DST: variants seen among roughly 807,000 people sequenced by gnomAD.
The protein encoded by DST is bullous pemphigoid antigen.
Under a neutral mutation model 875.2 loss-of-function variants are expected in DST, and 253 were observed. That is an observed-to-expected ratio of 0.29 (90% CI 0.26 to 0.32). DST has a LOEUF of 0.32. DST is among the 10% of genes least tolerant of loss of function. The pLI, the probability that DST is intolerant of heterozygous loss-of-function variation, is 1.00. For synonymous variants in DST, 3,124 were observed against 3,197.1 expected, an observed-to-expected ratio of 0.98 and a Z score of 0.77; for missense variants, 8,287 against 9,111.6, an observed-to-expected ratio of 0.91 and a Z score of 3.68.
chr6:56,589,612 T>C (rs528235655), intron 49 of DST, among the ~76,000 whole-genome samples: 7 of 152,336 alleles, frequency 4.6e-5, no homozygotes, highest in African/African-American at 1.7e-4. Flanking sequence ...AAGGCTGACA[T>C]TGTCAGTCAA....
intron 69 of DST, among the ~76,000 whole-genome samples, chr6:56,518,290 A>G (rs1177931129): frequency 6.6e-6 from 1 of 152,190 alleles, no homozygotes; most frequent in Non-Finnish European, 1.5e-5. Context: ...TTCATAAAGC[A>G]GAGAAAAACA....
At chr6:56,662,112 T>C (rs931042501) in intron 10 of DST, among the ~76,000 whole-genome samples, 3 of 151,310 alleles carry the variant, frequency 2.0e-5, no homozygotes, top group African/African-American at 7.3e-5. Context: ...AAAAAAAGAG[T>C]GGGGCTTAGA....
chr6:56,700,959 C>T (rs943433598), intron 8 of DST, among the ~76,000 whole-genome samples: 4 of 149,216 alleles, frequency 2.7e-5, no homozygotes, highest in Non-Finnish European at 3.0e-5. Context: ...TTTACCTCTC[C>T]CTCTCCCCCT....
chr6:56,546,524 C>T (rs1584625564), intron 61 of DST, among the ~76,000 whole-genome samples: 1 of 148,220 alleles, frequency 6.7e-6, no homozygotes, highest in South Asian at 2.1e-4. Flanking sequence ...TATTAAAATA[C>T]TGACAAAAGA....
chr6:56,721,309 G>A (rs532959755), intron 5 of DST, among the ~76,000 whole-genome samples: 1 of 152,216 alleles, frequency 6.6e-6, no homozygotes, highest in Non-Finnish European at 1.5e-5. Context: ...TGCAGTTAAC[G>A]CAATTATCAC....
chr6:56,515,568 A>T lies in DST; in HGVS notation c.18458T>A (p.Phe6153Tyr). Reference sequence around the variant, plus strand: ...CCAAAGTTCTTCATATGTTTCCCAGAATTGGTTAACCAGGGACTGTGCCCG... The same window carrying T: ...CCAAAGTTCTTCATATGTTTCCCAGTATTGGTTAACCAGGGACTGTGCCCG... ...LERAQSLVNQ[F>Y]WETYEELWPW... Residue 6153 changes from phenylalanine (F) to tyrosine (Y), a missense_variant, in exon 72 of 104, where the codon TTC (phenylalanine) becomes TAC (tyrosine). By Grantham distance (22) the Phe-to-Tyr change is conservative (BLOSUM62 3). Around this residue, in one of 10 missense-constraint regions of DST, gnomAD observed 1,292 missense variants for 1,552.7 expected, o/e 0.83. Transcript: ENST00000680361. 6.2e-7 allele frequency: 1 copy of T among 1,613,898 alleles called. No homozygotes were observed. The highest frequency in any genetic ancestry group is 8.5e-7 in the Non-Finnish European group (1 of 1,179,834).
rs1313087272 is a variant in DST, at chr6:56,592,255, G to A, written c.12830C>T (p.Thr4277Ile). ...AGGTTCAGATAAGTGTTTGCTCGCTGTGGCCTCACAGGCCTGGAGTCCAGC... is the reference window on the plus strand; with the variant it reads ...AGGTTCAGATAAGTGTTTGCTCGCTATGGCCTCACAGGCCTGGAGTCCAGC... ...LLAGLQACEA[T>I]ASKHLSEPIA... The change falls in exon 49 of 104, where the codon ACA (threonine) becomes ATA (isoleucine). Residue 4277 changes from threonine to isoleucine, a missense_variant. Transcript: ENST00000680361. 1.9e-6 allele frequency: 3 copies of A among 1,613,088 alleles called. No homozygotes were observed. The South Asian group carries it at 3.3e-5, about 18-fold the overall frequency.
At chr6:56,712,054 G>A (rs2099366829) in intron 5 of DST, among the ~76,000 whole-genome samples, 3 of 139,570 alleles carry the variant, frequency 2.1e-5, no homozygotes, top group Non-Finnish European at 4.7e-5. Flanking sequence ...TCCCGCCACT[G>A]CACTCCAGCC....
At chr6:56,503,190 A>G (rs1245050268) in intron 78 of DST, among the ~76,000 whole-genome samples, 1 of 152,148 alleles carries the variant, frequency 6.6e-6, no homozygotes, top group Non-Finnish European at 1.5e-5. Flanking sequence ...ATAAAAAAAT[A>G]GAAAGAATGA....
At chr6:56,815,733 T>G (rs556765950) in intron 4 of DST, among the ~76,000 whole-genome samples, 1 of 152,310 alleles carries the variant, frequency 6.6e-6, no homozygotes, top group East Asian at 1.9e-4. Flanking sequence ...AAGTAGATTA[T>G]AAAATATTGT....
intron 86 of DST, among the ~76,000 whole-genome samples, chr6:56,487,711 G>A (rs1446692251): frequency 6.6e-6 from 1 of 152,074 alleles, no homozygotes; most frequent in African/African-American, 2.4e-5. Flanking sequence ...TGTCTTTGTA[G>A]GCCTCTCATT....
At chr6:56,711,561 T>C (rs1419863789) in intron 5 of DST, among the ~76,000 whole-genome samples, 2 of 152,306 alleles carry the variant, frequency 1.3e-5, no homozygotes, top group Middle Eastern at 3.4e-3. Context: ...GGGGTAATTA[T>C]AATGTAATGT....
chr6:56,560,385 T>C lies in DST; in HGVS notation c.14349A>G (p.Val4783=). 4 of 1,604,406 alleles carry C rather than the reference T, an allele frequency of 2.5e-6. No homozygotes were observed. Among genetic ancestry groups the C allele is most frequent in the Non-Finnish European group, 3.4e-6 (4 of 1,174,516 alleles). ...CTGTCAATTTGTCTTTCAACTCCTGTACTTTGTTTACATTCTGCTTCAGTT... is the reference window on the plus strand; with the variant it reads ...CTGTCAATTTGTCTTTCAACTCCTGCACTTTGTTTACATTCTGCTTCAGTT... ...EAELKQNVNK[V]QELKDKLTEL... is the part of the protein sequence containing the mutation. Residue 4783 remains valine (V), a synonymous_variant, in exon 58 of 104, where the codon GTA becomes GTG. Coordinates refer to ENST00000680361, the MANE Select transcript of DST (RefSeq NM_001374736.1).
intron 77 of DST, 29 bp downstream of exon 77, chr6:56,506,414 G>A: frequency 1.3e-6 from 2 of 1,559,782 alleles, no homozygotes; most frequent in Non-Finnish European, 1.8e-6. Context: ...TTCCAGCTAA[G>A]ACCAGCACAT....
intron 2 of DST, among the ~76,000 whole-genome samples, chr6:56,907,507 G>C (rs1269452523): frequency 1.3e-5 from 2 of 152,198 alleles, no homozygotes; most frequent in Non-Finnish European, 2.9e-5. Flanking sequence ...GCTTTTCAGG[G>C]TTAAGTAATC....
intron 5 of DST, among the ~76,000 whole-genome samples, chr6:56,724,528 A>G (rs2099438613): frequency 1.3e-5 from 2 of 152,218 alleles, no homozygotes; most frequent in South Asian, 2.1e-4. Flanking sequence ...TTGAAATGCT[A>G]TGTTGTGGCT....
intron 57 of DST, 38 bp from the exon 58 acceptor site, chr6:56,560,461 C>CA: frequency 6.5e-7 from 1 of 1,543,144 alleles, no homozygotes. Context: ...ATGTGTACAG[C>CA]AAAAGACAAA....
intron 90 of DST, among the ~76,000 whole-genome samples, chr6:56,479,823 G>A (rs574523212): frequency 5.9e-5 from 9 of 152,256 alleles, no homozygotes; most frequent in Admixed American, 5.9e-4. Flanking sequence ...TACCTATTGG[G>A]TACCGTGTTT....
chr6:56,639,855 T>C, intron 19 of DST, 74 bp downstream of exon 19: 1 of 1,587,796 alleles, frequency 6.3e-7, no homozygotes, highest in Non-Finnish European at 8.6e-7. Flanking sequence ...ATTATTGATT[T>C]ACAGGGTCTT....
Sources: allele counts gnomAD v4.1 joint callset (sites outside exome capture counted in the v4.1 genomes callset), GRCh38; gene constraint gnomAD v4.1.1; regional missense constraint gnomAD v4.1.1; transcripts MANE v1.5; gene names NCBI Gene and HGNC (gene_info 2026-07-23, HGNC 2026-07-21).